Variants in UBE3B observed in about 807,000 individuals in gnomAD.
UBE3B encodes the protein ubiquitin protein ligase E3B.
Under a neutral mutation model 132.3 loss-of-function variants are expected in UBE3B, and 80 were observed. The ratio of observed to expected loss-of-function variants is 0.60; its 90% CI spans 0.50 to 0.73. UBE3B has a LOEUF of 0.73. UBE3B is among the 30% of genes least tolerant of loss of function. The pLI is 0.00. For synonymous variants in UBE3B, 487 were observed against 520.4 expected, an observed-to-expected ratio of 0.94 and a Z score of 0.87; for missense variants, 1,196 against 1,362.5, an observed-to-expected ratio of 0.88 and a Z score of 1.92.
the UBE3B span, among the ~76,000 whole-genome samples, chr12:109,543,912 T>C: frequency 9.9e-5 from 15 of 151,864 alleles, no homozygotes; most frequent in African/African-American, 2.4e-4. Context: ...GGAGCGGGCC[T>C]CTCAAAGCAA....
At chr12:109,496,174 C>T (rs1039393239) in intron 9 of UBE3B, among the ~76,000 whole-genome samples, 5 of 152,218 alleles carry the variant, frequency 3.3e-5, no homozygotes, top group African/African-American at 1.2e-4. Context: ...CATATGTGGT[C>T]TTTTGCTACT....
chr12:109,499,424 G>C (rs1878668246), intron 11 of UBE3B, among the ~76,000 whole-genome samples: 2 of 152,210 alleles, frequency 1.3e-5, no homozygotes, highest in African/African-American at 2.4e-5. Context: ...GGCTCACCTT[G>C]TCTGTGGCAT....
rs1450582888 is a variant in UBE3B, at chr12:109,536,526, T to C, written c.*1744T>C. 12 of 152,228 alleles carry C rather than the reference T, an allele frequency of 7.9e-5. No individual in the cohort carries two copies. Among genetic ancestry groups the C allele is most frequent in the Admixed American group, 7.9e-4 (12 of 15,284 alleles). The allele number at this position is 152,228 out of a possible 1,614,324, so 9.4% of individuals were successfully genotyped here. A position where few individuals can be genotyped will look rare whatever the true frequency, so the allele number is the denominator to read the frequency against. On this transcript the variant is annotated 3_prime_UTR_variant, in exon 28 of 28. Coordinates refer to ENST00000342494, the MANE Select transcript of UBE3B (RefSeq NM_130466.4). ...AGTTTGTAATTTCATTTAAATTCTT[T>C]TCAGCAGCTGGAAATATTGCACTAT...
Position 109,526,386 on chromosome 12 carries a change from G to A in UBE3B, c.2597G>A (p.Gly866Glu). 6.2e-7 allele frequency: 1 copy of A among 1,614,080 alleles called. No homozygotes were observed. The highest frequency in any genetic ancestry group is 8.5e-7 in the Non-Finnish European group (1 of 1,180,028). ...GTTTGCCATGAACTGATTCCTGGAG[G>A]GAAGACCATTCCTGTTACAAATGAA... Reference protein sequence around the residue: ...QLVCHELIPGGKTIPVTNENK... With the variant: ...QLVCHELIPGEKTIPVTNENK... The change falls in exon 24 of 28, where the codon GGG becomes GAG. Residue 866 changes from glycine (G) to glutamate (E), a missense_variant. By Grantham distance (98) the Gly-to-Glu change is moderately conservative (BLOSUM62 -2). Transcript: ENST00000342494.
chr12:109,547,452 C>T, the UBE3B span, among the ~76,000 whole-genome samples: 4 of 152,262 alleles, frequency 2.6e-5, no homozygotes, highest in African/African-American at 4.8e-5. This position sits in a 1 kb window ranked among gnomAD's most constrained non-coding sequence, Gnocchi z 4.1. Flanking sequence ...TGCGCGTACG[C>T]GCGCACACAC....
rs1179595955 is a variant in UBE3B at position 109,534,583 on chromosome 12, G to T, written c.3016-8G>T. On this transcript the variant is annotated splice_region_variant and splice_polypyrimidine_tract_variant and intron_variant, in intron 27 of 27. Coordinates refer to ENST00000342494, the MANE Select transcript of UBE3B (RefSeq NM_130466.4). This position sits in a 1 kb window ranked among gnomAD's most constrained non-coding sequence, Gnocchi z 5.2. Reference sequence around the variant, plus strand: ...TTCCCAATTCAAGGCCACGATGTGTGCCTTCAGGACACCGGGGACACTCTG... The same window carrying T: ...TTCCCAATTCAAGGCCACGATGTGTTCCTTCAGGACACCGGGGACACTCTG... 6.2e-7 allele frequency: 1 copy of T among 1,602,020 alleles called. No homozygotes were observed. The highest frequency in any genetic ancestry group is 8.5e-7 in the Non-Finnish European group (1 of 1,173,948).
chr12:109,517,401 C>T (rs1292256266), intron 19 of UBE3B, among the ~76,000 whole-genome samples: 4 of 152,198 alleles, frequency 2.6e-5, no homozygotes, highest in Non-Finnish European at 5.9e-5. Flanking sequence ...TGAGCTAAAT[C>T]CGTTGTCTGG....
Position 109,534,032 on chromosome 12 carries a change from C to T in UBE3B, c.3015+474C>T. On this transcript the variant is annotated intron_variant, in intron 27 of 27. Transcript: ENST00000342494. The surrounding 1 kb of genome is among the most constrained non-coding windows in gnomAD (Gnocchi z 5.2). ...TTCAGGGTTACGGAGCTCTGTGTGTCTCAAGCCTGGCCCACTGTGGGTGCT... is the reference window on the plus strand; with the variant it reads ...TTCAGGGTTACGGAGCTCTGTGTGTTTCAAGCCTGGCCCACTGTGGGTGCT... 7.7e-7 allele frequency: 1 copy of T among 1,295,012 alleles called. No individual in the cohort carries two copies. The highest frequency in any genetic ancestry group is 2.3e-5 in the Admixed American group (1 of 43,708). The allele number at this position is 1,295,012 out of a possible 1,614,324, so 80.2% of individuals were successfully genotyped here.
At chr12:109,528,392 C>T (rs1047432705) in intron 24 of UBE3B, 27 of 985,100 alleles carry the variant, frequency 2.7e-5, no homozygotes, top group Admixed American at 6.2e-5. Flanking sequence ...ATAGGAAAAT[C>T]GTATTTGTAT....
intron 2 of UBE3B, among the ~76,000 whole-genome samples, chr12:109,483,006 A>C (rs1875747984): frequency 6.6e-6 from 1 of 152,186 alleles, no homozygotes; most frequent in African/African-American, 2.4e-5. Context: ...CAAAGTATGC[A>C]CTGGTAAATA....
At chr12:109,479,633 C>T (rs1037916122) in intron 1 of UBE3B, among the ~76,000 whole-genome samples, 51 of 152,012 alleles carry the variant, frequency 3.4e-4, no homozygotes, top group Admixed American at 3.2e-3. Flanking sequence ...TATTAATTGA[C>T]GAACTATAGT....
the UBE3B span, among the ~76,000 whole-genome samples, chr12:109,545,793 G>T: frequency 6.6e-6 from 1 of 152,142 alleles, no homozygotes; most frequent in African/African-American, 2.4e-5. Context: ...CATTTTGCCA[G>T]TGAGTTCCCA....
intron 14 of UBE3B, among the ~76,000 whole-genome samples, chr12:109,503,876 C>T (rs933295188): frequency 9.2e-5 from 14 of 152,212 alleles, no homozygotes; most frequent in African/African-American, 2.7e-4. Flanking sequence ...TTCTCTGCTG[C>T]ATTTTACATT....
Position 109,488,638 on chromosome 12 carries a change from A to G in UBE3B, c.514A>G (p.Thr172Ala). ...YLTMLVTFTD[T>A]STWKILRGKG... ...CACGATGCTTGTCACCTTCACAGACACTTCAACGTGGAAAATTCTTCGGGG... is the reference window on the plus strand; with the variant it reads ...CACGATGCTTGTCACCTTCACAGACGCTTCAACGTGGAAAATTCTTCGGGG... The change falls in exon 7 of 28, where the codon ACT becomes GCT. Residue 172 changes from threonine to alanine, a missense_variant. Coordinates refer to ENST00000342494, the MANE Select transcript of UBE3B (RefSeq NM_130466.4). 1 of 1,614,144 alleles carries G rather than the reference A, an allele frequency of 6.2e-7. No homozygotes were observed. The highest frequency in any genetic ancestry group is 1.1e-5 in the South Asian group (1 of 91,080).
intron 8 of UBE3B, chr12:109,490,261 TAA>T: frequency 1.9e-6 from 2 of 1,035,548 alleles, no homozygotes; most frequent in South Asian, 3.1e-5. Context: ...TTTTGACATT[TAA>T]ACTCTGGAAG....
At chr12:109,513,264 C>T (rs897472600) in intron 18 of UBE3B, among the ~76,000 whole-genome samples, 24 of 152,128 alleles carry the variant, frequency 1.6e-4, no homozygotes, top group African/African-American at 5.6e-4. Context: ...CTAGACCCTC[C>T]GCTCTGTTTC....
chr12:109,497,949 T>C (rs369207743), intron 10 of UBE3B, 26 bp downstream of exon 10: 11 of 1,608,804 alleles, frequency 6.8e-6, no homozygotes, highest in Non-Finnish European at 9.4e-6. Context: ...GAGTTCCCCG[T>C]GAAAACCCAA....
At chr12:109,490,194 A>C in intron 8 of UBE3B, 190 bp downstream of exon 8, 2 of 855,248 alleles carry the variant, frequency 2.3e-6, no homozygotes, top group East Asian at 5.3e-5. Flanking sequence ...AAGGGAGGAC[A>C]GTGGTGCTGG....
At chr12:109,542,108 C>G in the UBE3B span, among the ~76,000 whole-genome samples, 1 of 152,196 alleles carries the variant, frequency 6.6e-6, no homozygotes, top group African/African-American at 2.4e-5. Flanking sequence ...TGCCATGAAC[C>G]ACCACATGCT....
Sources: gnomAD v4.1 joint callset for allele counts (sites outside exome capture counted in the v4.1 genomes callset) on GRCh38, gnomAD v4.1.1 for gene constraint, Gnocchi (gnomAD v3.1) non-coding constraint, MANE v1.5 for transcripts, NCBI Gene and HGNC (gene_info 2026-07-23, HGNC 2026-07-21) for gene names.